Variants in RARB observed in about 807,000 individuals in gnomAD.
RARB encodes retinoic acid receptor beta.
A neutral mutation model predicts 51.9 loss-of-function variants in RARB; 17 were observed. That is an observed-to-expected ratio of 0.33 (90% CI 0.22 to 0.49). The LOEUF is 0.49. RARB is among the 20% of genes least tolerant of loss of function. The pLI, the probability that RARB is intolerant of heterozygous loss-of-function variation, is 0.99. For missense variants in RARB, 369 were observed against 550.8 expected (o/e 0.67, Z 3.30); for synonymous variants, 215 against 195.4 (o/e 1.10, Z -0.84).
At chr3:25,293,652 A>G (rs1458410136) in intron 5 of RARB, among the ~76,000 whole-genome samples, 1 of 149,554 alleles carries the variant, frequency 6.7e-6, no homozygotes, top group Non-Finnish European at 1.5e-5. Flanking sequence ...CTATGACAAT[A>G]ACTAATCCCA....
intron 3 of RARB, among the ~76,000 whole-genome samples, chr3:25,524,224 G>A (rs1226653821): frequency 6.6e-6 from 1 of 152,160 alleles, no homozygotes; most frequent in Admixed American, 6.5e-5. Flanking sequence ...GTAGTTAACC[G>A]ACAGTTCTAA....
intron 5 of RARB, among the ~76,000 whole-genome samples, chr3:25,344,314 G>C (rs1230078897): frequency 6.6e-6 from 1 of 152,098 alleles, no homozygotes; most frequent in East Asian, 1.9e-4. Context: ...ATTTTTGTCT[G>C]AGGTCCCTGA....
intron 2 of RARB, among the ~76,000 whole-genome samples, chr3:24,886,656 G>C (rs1415426362): frequency 6.6e-6 from 1 of 151,932 alleles, no homozygotes; most frequent in African/African-American, 2.4e-5. Context: ...TGCTCAGGCT[G>C]GTCTTCAACT....
intron 2 of RARB, among the ~76,000 whole-genome samples, chr3:25,465,845 A>G (rs946271107): frequency 2.0e-4 from 31 of 152,164 alleles, no homozygotes; most frequent in Non-Finnish European, 2.9e-5. Flanking sequence ...AAATAATAGG[A>G]CAAAATAAAA....
chr3:25,305,885 A>G (rs1344440881), intron 5 of RARB, among the ~76,000 whole-genome samples: 1 of 152,178 alleles, frequency 6.6e-6, no homozygotes. Context: ...AAACATATAA[A>G]CATTCAGGTG....
intron 2 of RARB, among the ~76,000 whole-genome samples, chr3:25,026,817 T>C (rs967019467): frequency 6.6e-6 from 1 of 152,208 alleles, no homozygotes; most frequent in Non-Finnish European, 1.5e-5. Context: ...TACCCCAACA[T>C]GACATCATTA....
At chr3:24,919,566 C>T (rs895904351) in intron 2 of RARB, among the ~76,000 whole-genome samples, 2 of 152,050 alleles carry the variant, frequency 1.3e-5, no homozygotes, top group African/African-American at 2.4e-5. Flanking sequence ...TCTTTCACCA[C>T]GTGGCTGCAC....
intron 5 of RARB, among the ~76,000 whole-genome samples, chr3:25,387,720 A>G (rs987851273): frequency 2.6e-5 from 4 of 152,110 alleles, no homozygotes; most frequent in African/African-American, 9.7e-5. Flanking sequence ...GACCACACAC[A>G]TAATGAGGTC....
chr3:25,585,020 G>T (rs1156623131), intron 5 of RARB, among the ~76,000 whole-genome samples: 1 of 148,762 alleles, frequency 6.7e-6, no homozygotes, highest in Non-Finnish European at 1.5e-5. Flanking sequence ...GCTTGCCCCA[G>T]CTGTTGAATG....
At chr3:25,438,008 G>A (rs1708503810) in intron 1 of RARB, among the ~76,000 whole-genome samples, 1 of 152,224 alleles carries the variant, frequency 6.6e-6, no homozygotes. Flanking sequence ...TGGATGGGCT[G>A]GGCTCCGCTG....
intron 5 of RARB, among the ~76,000 whole-genome samples, chr3:25,415,225 T>G (rs1707670499): frequency 6.6e-6 from 1 of 152,194 alleles, no homozygotes; most frequent in East Asian, 1.9e-4. Flanking sequence ...ATTATTTTGT[T>G]TTTTTTATGT....
chr3:25,193,280 T>C (rs561283789), intron 5 of RARB, among the ~76,000 whole-genome samples: 1 of 152,194 alleles, frequency 6.6e-6, no homozygotes, highest in South Asian at 2.1e-4. Flanking sequence ...GAAAATTGTA[T>C]TCTCATAGAA....
intron 2 of RARB, among the ~76,000 whole-genome samples, chr3:25,494,304 C>A (rs1422075929): frequency 6.7e-6 from 1 of 148,440 alleles, no homozygotes; most frequent in African/African-American, 2.6e-5. Flanking sequence ...TCTCTGCCAG[C>A]CTGGACCACT....
At chr3:25,018,559 A>G (rs1005931368) in intron 2 of RARB, among the ~76,000 whole-genome samples, 5 of 152,216 alleles carry the variant, frequency 3.3e-5, no homozygotes, top group Non-Finnish European at 7.3e-5. Flanking sequence ...GTCACTAATA[A>G]TAGGCAACTG....
At position 25,560,932 on chromosome 3, in the gene RARB, C is replaced by A. The variant is rs533056246; in HGVS notation, c.449-8826C>A. ...AATAAACAAATTGGTATAGGGCTCCCACTATTTTTGTTCATGTTACATTGT... is the reference window on the plus strand; with the variant it reads ...AATAAACAAATTGGTATAGGGCTCCAACTATTTTTGTTCATGTTACATTGT... On this transcript the variant is annotated intron_variant, in intron 3 of 7. Transcript: ENST00000330688. Among the ~76,000 whole-genome samples the A allele has an allele frequency of 1.2e-4, 18 of 152,210 alleles. No homozygotes were observed. The East Asian group carries it at 2.9e-3, about 24-fold the overall frequency.
chr3:25,296,766 C>A (rs1468040694), intron 5 of RARB, among the ~76,000 whole-genome samples: 1 of 152,154 alleles, frequency 6.6e-6, no homozygotes, highest in Admixed American at 6.5e-5. Context: ...CCATGTATTA[C>A]TAGTTAGAAT....
chr3:25,456,692 G>T (rs868603380), intron 1 of RARB, among the ~76,000 whole-genome samples: 1,476 of 137,874 alleles, frequency 0.011, 9 homozygotes, highest in African/African-American at 0.018. Flanking sequence ...TAGAGAGAGA[G>T]AGAGAGAGAG....
At chr3:24,983,130 A>C (rs1489175243) in intron 2 of RARB, among the ~76,000 whole-genome samples, 1 of 152,202 alleles carries the variant, frequency 6.6e-6, no homozygotes. Flanking sequence ...AGTTGCCAAT[A>C]AAACACACAT....
chr3:25,354,914 G>A (rs1174660502), intron 5 of RARB, among the ~76,000 whole-genome samples: 1 of 150,374 alleles, frequency 6.7e-6, no homozygotes, highest in Non-Finnish European at 1.5e-5. Context: ...TTTCCATCCA[G>A]CATAGCATAA....
Sources: allele counts gnomAD v4.1 joint callset (sites outside exome capture counted in the v4.1 genomes callset), GRCh38; gene constraint gnomAD v4.1.1; transcripts MANE v1.5; gene names NCBI Gene and HGNC (gene_info 2026-07-23, HGNC 2026-07-21).